MTX3: variants seen among roughly 807,000 people sequenced by gnomAD.
MTX3 encodes the protein metaxin-3.
In MTX3, 27 loss-of-function variants were observed where a neutral mutation model predicts 42.5. The ratio of observed to expected loss-of-function variants is 0.64; its 90% CI spans 0.47 to 0.88. The LOEUF (loss-of-function observed/expected upper bound fraction) is 0.88. MTX3 is among the 40% of genes least tolerant of loss of function. The pLI, the probability that MTX3 is intolerant of heterozygous loss-of-function variation, is 0.00. For missense variants in MTX3, 378 were observed against 367.0 expected, an observed-to-expected ratio of 1.03 and a Z score of -0.25; for synonymous variants, 144 against 132.9, an observed-to-expected ratio of 1.08 and a Z score of -0.57.
rs1427878658 is a variant in MTX3, at chr5:79,989,175, C to T, written c.298G>A (p.Glu100Lys). 6 of 1,607,052 alleles carry T rather than the reference C, an allele frequency of 3.7e-6. No individual in the cohort carries two copies. The highest frequency in any genetic ancestry group is 1.3e-5 in the African/African-American group (1 of 74,776). ...ADTLAYIALL[E>K]EKLLPAVLHT... ...ACCACTGCAGGGAGAAGCTTCTCTT[C>T]GAGGAGAGCAATATAAGCCAATGTA... The change falls in exon 4 of 9, where the codon GAA (glutamate) becomes AAA (lysine). Residue 100 changes from glutamate to lysine, a missense_variant. Glu to Lys is a moderately conservative substitution (Grantham distance 56). Transcript: ENST00000512528.
In MTX3 at chr5:79,980,756, A is replaced by C. The variant is rs1831354746; in HGVS notation, c.*2928T>G. On this transcript the variant is annotated 3_prime_UTR_variant, in exon 9 of 9. Coordinates refer to ENST00000512528, the MANE Select transcript of MTX3 (RefSeq NM_001363818.2). ...GCATTGGCTCACAGTATTCTGTTTA[A>C]GATTGTGGACCATTTATCCCAATGA... 1 of 152,220 alleles carries C rather than the reference A, an allele frequency of 6.6e-6. No individual in the cohort carries two copies. The allele number at this position is 152,220 out of a possible 1,614,324, so 9.4% of individuals were successfully genotyped here. A position where few individuals can be genotyped will look rare whatever the true frequency, so the allele number is the denominator to read the frequency against.
rs1004429591 is a variant in MTX3 at position 79,978,939 on chromosome 5, A to G, written c.*4745T>C. 1 of 152,680 alleles carries G rather than the reference A, an allele frequency of 6.5e-6. No individual in the cohort carries two copies. Among genetic ancestry groups the G allele is most frequent in the Non-Finnish European group, 1.5e-5 (1 of 68,044 alleles). The allele number at this position is 152,680 out of a possible 1,614,324, so 9.5% of individuals were successfully genotyped here. A position where few individuals can be genotyped will look rare whatever the true frequency, so the allele number is the denominator to read the frequency against. ...TTTGTCTACTTATTTTGTTCTGAAT[A>G]ATCTTCTATCACATTTCCCCTTCTA... On this transcript the variant is annotated 3_prime_UTR_variant, in exon 9 of 9. Transcript: ENST00000512528.
rs1406790171 is a variant in MTX3 at position 79,990,152 on chromosome 5, C to T, written c.228+8G>A. On this transcript the variant is annotated splice_region_variant and intron_variant, in intron 3 of 8. Transcript: ENST00000512528. ...TACCAATCTACTTCTTCAAAGTGAA[C>T]CACCCACCTGTTTTCTTAAAAAGTT... 14 of 1,589,572 alleles carry T rather than the reference C, an allele frequency of 8.8e-6. No homozygotes were observed. The highest frequency in any genetic ancestry group is 5.2e-5 in the Admixed American group (3 of 58,198).
At chr5:79,985,915 C>G (rs560750098) in intron 7 of MTX3, among the ~76,000 whole-genome samples, 17 of 137,658 alleles carry the variant, frequency 1.2e-4, no homozygotes, top group African/African-American at 4.7e-4. Context: ...CAATTGGCCA[C>G]AATAATTAGT....
rs1440862244 is a variant in MTX3 at position 79,983,578 on chromosome 5, A to G, written c.*106T>C. ...GCATAGAAAGTTCCTTTTGGTTTAGAGTCTTCCTTAATACCTATTATGGTA... is the reference window on the plus strand; with the variant it reads ...GCATAGAAAGTTCCTTTTGGTTTAGGGTCTTCCTTAATACCTATTATGGTA... On this transcript the variant is annotated 3_prime_UTR_variant, in exon 9 of 9. Transcript: ENST00000512528. 3.8e-6 allele frequency: 3 copies of G among 793,134 alleles called. No homozygotes were observed. The highest frequency in any genetic ancestry group is 5.0e-5 in the East Asian group (2 of 39,858). The allele number at this position is 793,134 out of a possible 1,614,324, so 49.1% of individuals were successfully genotyped here. A position where few individuals can be genotyped will look rare whatever the true frequency, so the allele number is the denominator to read the frequency against.
At chr5:79,986,186 A>G (rs750476574) in intron 7 of MTX3, among the ~76,000 whole-genome samples, 31 of 152,188 alleles carry the variant, frequency 2.0e-4, no homozygotes, top group Non-Finnish European at 3.2e-4. Flanking sequence ...TTATCTGTCA[A>G]ATAATCAGGT....
In MTX3 at chr5:79,988,065, A is replaced by C. The variant is rs377392847; in HGVS notation, c.581+174T>G. On this transcript the variant is annotated intron_variant, in intron 6 of 8. Transcript: ENST00000512528. ...CTTCTGGCCTCGGGTGATCTGCCCA[A>C]CTCGGCCTCCCAAAGTGCTGTGATT... 1.1e-4 allele frequency among the ~76,000 whole-genome samples: 17 copies of C among 152,120 alleles called. No individual in the cohort carries two copies. The East Asian group carries it at 2.9e-3, about 26-fold the overall frequency.
At position 79,979,995 on chromosome 5, in the gene MTX3, A is replaced by G. The variant is rs1203669032; in HGVS notation, c.*3689T>C. On this transcript the variant is annotated 3_prime_UTR_variant, in exon 9 of 9. Transcript: ENST00000512528. The stretch of plus-strand genomic sequence containing the variant: ...AACCACTTTTATTTTGAAATACTTA[A>G]GACTCACAAGAAGTTATAAAAATAG... 1 of 152,198 alleles carries G rather than the reference A, an allele frequency of 6.6e-6. No individual in the cohort carries two copies. Among genetic ancestry groups the G allele is most frequent in the Non-Finnish European group, 1.5e-5 (1 of 68,040 alleles). 9.4% of individuals were successfully genotyped at this position (152,198 alleles called of 1,614,324 possible). A position where few individuals can be genotyped will look rare whatever the true frequency, so the allele number is the denominator to read the frequency against.
rs1831368852 is a variant in MTX3, at chr5:79,981,349, G to A, written c.*2335C>T. On this transcript the variant is annotated 3_prime_UTR_variant, in exon 9 of 9. Transcript: ENST00000512528. ...TCACATGTTGCATCTTAGAAAAGGT[G>A]ATCTGGAAGCATTATGGACTATAGT... 6.6e-6 allele frequency: 1 copy of A among 152,124 alleles called. No individual in the cohort carries two copies. The highest frequency in any genetic ancestry group is 1.9e-4 in the East Asian group (1 of 5,194). The allele number at this position is 152,124 out of a possible 1,614,324, so 9.4% of individuals were successfully genotyped here.
Position 79,977,558 on chromosome 5 carries a change from C to T in MTX3, c.*6126G>A, listed in dbSNP as rs767769700. Reference sequence around the variant, plus strand: ...ATTCAAAATGGTGTTCCAAATAATCCAATTGTATACATTGCAAAGACACAC... The same window carrying T: ...ATTCAAAATGGTGTTCCAAATAATCTAATTGTATACATTGCAAAGACACAC... On this transcript the variant is annotated 3_prime_UTR_variant, in exon 9 of 9. Transcript: ENST00000512528. 10 of 152,146 alleles carry T rather than the reference C, an allele frequency of 6.6e-5. No homozygotes were observed. The highest frequency in any genetic ancestry group is 1.5e-4 in the Non-Finnish European group (10 of 68,018). The allele number at this position is 152,146 out of a possible 1,614,324, so 9.4% of individuals were successfully genotyped here.
chr5:79,983,482 T>A lies in MTX3; in HGVS notation c.*202A>T. Reference sequence around the variant, plus strand: ...CCCCCCAACCAAGTTCATTTAGCATTCTCTTTGTTATTAAAAATGCAGTGC... The same window carrying A: ...CCCCCCAACCAAGTTCATTTAGCATACTCTTTGTTATTAAAAATGCAGTGC... On this transcript the variant is annotated 3_prime_UTR_variant, in exon 9 of 9. Coordinates refer to ENST00000512528, the MANE Select transcript of MTX3 (RefSeq NM_001363818.2). The A allele has an allele frequency of 2.5e-6, 1 of 405,882 alleles. No individual in the cohort carries two copies. The highest frequency in any genetic ancestry group is 4.3e-6 in the Non-Finnish European group (1 of 231,172). The allele number at this position is 405,882 out of a possible 1,614,324, so 25.1% of individuals were successfully genotyped here.
Position 79,983,765 on chromosome 5 carries a change from C to G in MTX3, c.858G>C (p.Gln286His), listed in dbSNP as rs573324156. The G allele has an allele frequency of 1.2e-6, 2 of 1,613,822 alleles. No individual in the cohort carries two copies. Among genetic ancestry groups the G allele is most frequent in the Admixed American group, 1.7e-5 (1 of 60,010 alleles). ...GTGTTGGCAGTTTCCGAGGAGGAAGCTGAGGGCTTTGGCGAAGATTGTCAT... is the reference window on the plus strand; with the variant it reads ...GTGTTGGCAGTTTCCGAGGAGGAAGGTGAGGGCTTTGGCGAAGATTGTCAT... ...KMDDNLRQSP[Q>H]LPPRKLPTLK... The change falls in exon 9 of 9, where the codon CAG becomes CAC. Residue 286 changes from glutamine (Q) to histidine (H), a missense_variant. Gln to His is a conservative substitution (Grantham distance 24). Transcript: ENST00000512528.
chr5:79,982,329 C>CA lies in MTX3; in HGVS notation c.*1354dup, dbSNP rs1411756127. The CA allele has an allele frequency of 4.5e-5, 20 of 449,294 alleles. No homozygotes were observed. The East Asian group carries it at 1.3e-3, about 30-fold the overall frequency. The allele number at this position is 449,294 out of a possible 1,614,324, so 27.8% of individuals were successfully genotyped here. ...CAGAACAAATTGGGAGGATGTGGGT[C>CA]AAACACAGCTGAGCTCCACTCAGCT... On this transcript the variant is annotated 3_prime_UTR_variant, in exon 9 of 9. Coordinates refer to ENST00000512528, the MANE Select transcript of MTX3 (RefSeq NM_001363818.2).
intron 1 of MTX3, 185 bp from the exon 2 acceptor site, chr5:79,990,848 CA>C: frequency 1.4e-6 from 1 of 716,866 alleles, no homozygotes; most frequent in Non-Finnish European, 2.5e-6. Flanking sequence ...CTTTGCTCCC[CA>C]AAAGGTCCTG....
At chr5:79,985,181 C>T (rs1259518651) in intron 8 of MTX3, among the ~76,000 whole-genome samples, 1 of 152,080 alleles carries the variant, frequency 6.6e-6, no homozygotes, top group African/African-American at 2.4e-5. Context: ...CGGGGTTTCG[C>T]CGTATAAGCC....
intron 6 of MTX3, among the ~76,000 whole-genome samples, chr5:79,987,593 C>T (rs1831526723): frequency 6.6e-6 from 1 of 151,430 alleles, no homozygotes; most frequent in Admixed American, 6.6e-5. Flanking sequence ...TTTCAGTTTA[C>T]AAAAATTATG....
At chr5:79,985,423 T>G (rs1441108264) in intron 8 of MTX3, 148 bp downstream of exon 8, 1 of 633,340 alleles carries the variant, frequency 1.6e-6, no homozygotes, top group Admixed American at 2.9e-5. Context: ...ACATACAACT[T>G]TAGTGAAAGT....
In MTX3 at chr5:79,987,436, A is replaced by G. The variant is rs949442074; in HGVS notation, c.582-329T>C. Among the ~76,000 whole-genome samples the G allele has an allele frequency of 4.2e-3, 484 of 114,180 alleles. 2 individuals are homozygous for G. Among genetic ancestry groups the G allele is most frequent in the African/African-American group, 0.014 (375 of 27,192 alleles). 74.9% of individuals were successfully genotyped at this position (114,180 alleles called of 152,430 possible). A position where few individuals can be genotyped will look rare whatever the true frequency, so the allele number is the denominator to read the frequency against. ...GCCTGGGCAACAAGAGCAAGACTCC[A>G]TCTCAAAAAAAAAAAAAAAAAAAAA... On this transcript the variant is annotated intron_variant, in intron 6 of 8. Coordinates refer to ENST00000512528, the MANE Select transcript of MTX3 (RefSeq NM_001363818.2).
At chr5:79,990,282 C>A in intron 2 of MTX3, 46 bp from the exon 3 acceptor site, 1 of 1,296,536 alleles carries the variant, frequency 7.7e-7, no homozygotes, top group East Asian at 2.5e-5. Context: ...GTGTGATTTC[C>A]TCTGAGAGAT....
Sources: allele counts gnomAD v4.1 joint callset (sites outside exome capture counted in the v4.1 genomes callset), GRCh38; gene constraint gnomAD v4.1.1; transcripts MANE v1.5; gene names NCBI Gene and HGNC (gene_info 2026-07-23, HGNC 2026-07-21).